The following SNTG1 variants were observed in gnomAD, a reference collection of about 807,000 sequenced individuals.
SNTG1 encodes gamma-1-syntrophin.
A neutral mutation model predicts 74.7 loss-of-function variants in SNTG1; 39 were observed. The observed-to-expected ratio is 0.52, with a 90% CI of 0.40 to 0.68. The LOEUF (loss-of-function observed/expected upper bound fraction) is 0.68. Among genes scored for constraint, SNTG1 ranks in the 30% least tolerant of loss-of-function variants. The pLI, the probability that SNTG1 is intolerant of heterozygous loss-of-function variation, is 0.00. For synonymous variants in SNTG1, 254 were observed against 217.1 expected, an observed-to-expected ratio of 1.17 and a Z score of -1.49; for missense variants, 685 against 609.5, an observed-to-expected ratio of 1.12 and a Z score of -1.30.
chr8:49,940,965 T>C (rs1808632298), intron 1 of SNTG1, among the ~76,000 whole-genome samples: 1 of 152,186 alleles, frequency 6.6e-6, no homozygotes, highest in Non-Finnish European at 1.5e-5. Context: ...ATATGTTTGA[T>C]GGAGCAACGT....
At chr8:49,952,562 G>C (rs566248801) in intron 1 of SNTG1, among the ~76,000 whole-genome samples, 134 of 152,282 alleles carry the variant, frequency 8.8e-4, no homozygotes, top group Middle Eastern at 3.4e-3. Flanking sequence ...TAGGCAGTAG[G>C]CTGAGGGTTT....
rs1018939471 is a variant in SNTG1 at position 50,465,592 on chromosome 8, G to A, written c.363+14863G>A. Reference sequence around the variant, plus strand: ...TTCACTGCCCTAAAAAATCCTCTAGGATCCATTTGTTCCTACTATCCTGGC... The same window carrying A: ...TTCACTGCCCTAAAAAATCCTCTAGAATCCATTTGTTCCTACTATCCTGGC... On this transcript the variant is annotated intron_variant, in intron 8 of 18. Transcript: ENST00000642720. Among the ~76,000 whole-genome samples, 5 of 152,070 alleles carry A rather than the reference G, an allele frequency of 3.3e-5. No individual in the cohort carries two copies. In the East Asian group the frequency reaches 9.6e-4, roughly 29 times the overall value.
intron 1 of SNTG1, among the ~76,000 whole-genome samples, chr8:50,087,876 A>C (rs1823051319): frequency 6.7e-6 from 1 of 150,004 alleles, no homozygotes; most frequent in African/African-American, 2.5e-5. Flanking sequence ...GGTGCGCTGC[A>C]CCCACTAACT....
At chr8:50,557,107 G>T (rs2130646915) in intron 12 of SNTG1, among the ~76,000 whole-genome samples, 1 of 152,032 alleles carries the variant, frequency 6.6e-6, no homozygotes, top group East Asian at 2.0e-4. Context: ...GGAAAGTGGG[G>T]GTGGGCAAGG....
At chr8:50,772,661 T>A (rs886478634) in intron 18 of SNTG1, among the ~76,000 whole-genome samples, 4 of 152,064 alleles carry the variant, frequency 2.6e-5, no homozygotes, top group Non-Finnish European at 5.9e-5. Context: ...GTGAAATGCT[T>A]CACTTTGAAT....
At chr8:50,764,655 C>T (rs576111222) in intron 18 of SNTG1, among the ~76,000 whole-genome samples, 18 of 151,896 alleles carry the variant, frequency 1.2e-4, no homozygotes, top group Non-Finnish European at 2.9e-5. Flanking sequence ...AAAAAGGGAA[C>T]CCCTGTATGC....
At chr8:50,147,301 T>G (rs960843655) in intron 1 of SNTG1, among the ~76,000 whole-genome samples, 1 of 152,156 alleles carries the variant, frequency 6.6e-6, no homozygotes, top group Non-Finnish European at 1.5e-5. Flanking sequence ...TATAAATGTA[T>G]AACAAACTTC....
At chr8:49,955,793 AG>A (rs1198343991) in intron 1 of SNTG1, among the ~76,000 whole-genome samples, 1 of 152,186 alleles carries the variant, frequency 6.6e-6, no homozygotes, top group Non-Finnish European at 1.5e-5. Context: ...ACACATGAAA[AG>A]GGCTCTGTAT....
intron 18 of SNTG1, among the ~76,000 whole-genome samples, chr8:50,763,639 T>C (rs1203418508): frequency 7.0e-6 from 1 of 142,020 alleles, no homozygotes. Flanking sequence ...TGGCTCAAGA[T>C]TGCCTTTATT....
chr8:50,477,269 C>T (rs756236094), intron 8 of SNTG1, among the ~76,000 whole-genome samples: 6 of 152,104 alleles, frequency 3.9e-5, no homozygotes, highest in Admixed American at 2.0e-4. Context: ...TGTGACATCA[C>T]GGCCTCAGCA....
At chr8:50,670,455 G>C (rs1392099663) in intron 15 of SNTG1, among the ~76,000 whole-genome samples, 2 of 151,650 alleles carry the variant, frequency 1.3e-5, no homozygotes, top group East Asian at 3.9e-4. Context: ...GCTTCAAAGA[G>C]AATAAAATAC....
chr8:49,935,502 T>C (rs1807993703), intron 1 of SNTG1, among the ~76,000 whole-genome samples: 1 of 128,386 alleles, frequency 7.8e-6, no homozygotes, highest in Non-Finnish European at 1.6e-5. Context: ...AGTGGCTTCA[T>C]GTGAGGAAGG....
chr8:49,984,209 T>A (rs1563431129), intron 1 of SNTG1, among the ~76,000 whole-genome samples: 1 of 151,858 alleles, frequency 6.6e-6, no homozygotes, highest in Non-Finnish European at 1.5e-5. Context: ...TTTATTTATT[T>A]ATTTTTTTTT....
intron 17 of SNTG1, among the ~76,000 whole-genome samples, chr8:50,732,475 G>A (rs148826222): frequency 7.3e-5 from 11 of 151,694 alleles, no homozygotes; most frequent in South Asian, 6.2e-4. Flanking sequence ...GCATTTTTCC[G>A]TATATCTACA....
intron 2 of SNTG1, among the ~76,000 whole-genome samples, chr8:50,306,871 C>A (rs565456840): frequency 1.3e-5 from 2 of 151,606 alleles, no homozygotes; most frequent in Admixed American, 6.6e-5. Context: ...TTTTGCCATG[C>A]GGAAGCTTTC....
chr8:50,009,945 G>A (rs561654910), intron 1 of SNTG1, among the ~76,000 whole-genome samples: 10 of 152,306 alleles, frequency 6.6e-5, no homozygotes, highest in African/African-American at 2.2e-4. Context: ...TTAGTAAGCC[G>A]AGATCGTGCC....
chr8:50,259,536 GAA>G (rs1325547274), intron 2 of SNTG1, among the ~76,000 whole-genome samples: 3 of 7,990 alleles, frequency 3.8e-4, no homozygotes, highest in Non-Finnish European at 1.3e-3. Context: ...AAGAAAGAAA[GAA>G]AGAAAGAAAG....
Position 50,284,930 on chromosome 8 carries a change from T to C in SNTG1, c.-27-109282T>C, listed in dbSNP as rs543472007. 1.1e-4 allele frequency among the ~76,000 whole-genome samples: 16 copies of C among 152,300 alleles called. 1 individual carries two copies. The highest frequency in any genetic ancestry group is 3.8e-4 in the African/African-American group (16 of 41,568). ...CTTATCAATGTTTATTTTTTTTACT[T>C]TTAAAAGTATTTGTTTGCTTGGAAA... On this transcript the variant is annotated intron_variant, in intron 2 of 18. Transcript: ENST00000642720.
chr8:50,178,825 A>G (rs776108730), intron 2 of SNTG1, among the ~76,000 whole-genome samples: 3 of 152,102 alleles, frequency 2.0e-5, no homozygotes, highest in Non-Finnish European at 4.4e-5. Flanking sequence ...TTCCCTTACT[A>G]AAACGTTTCC....
Sources: allele counts gnomAD v4.1 joint callset (sites outside exome capture counted in the v4.1 genomes callset), GRCh38; gene constraint gnomAD v4.1.1; transcripts MANE v1.5; gene names NCBI Gene and HGNC (gene_info 2026-07-23, HGNC 2026-07-21).